TTC39B: variants seen among roughly 807,000 people sequenced by gnomAD.
TTC39B encodes tetratricopeptide repeat protein 39B.
A neutral mutation model predicts 96.6 loss-of-function variants in TTC39B; 92 were observed. The observed-to-expected ratio is 0.95, with a 90% CI of 0.80 to 1.13. The LOEUF is 1.13. TTC39B is among the 50% of genes most tolerant of loss of function. TTC39B has a pLI of 0.00. For missense variants in TTC39B, 955 were observed against 809.3 expected (o/e 1.18, Z -2.18); for synonymous variants, 367 against 299.4 (o/e 1.23, Z -2.33).
At chr9:15,281,414 T>C (rs1279524124) in intron 1 of TTC39B, among the ~76,000 whole-genome samples, 1 of 152,162 alleles carries the variant, frequency 6.6e-6, no homozygotes, top group Non-Finnish European at 1.5e-5. Flanking sequence ...GGAAAAGTTG[T>C]GTGTCCAAAT....
chr9:15,185,472 G>C (rs1390721681), intron 15 of TTC39B, 66 bp from the exon 16 acceptor site: 1 of 1,592,952 alleles, frequency 6.3e-7, no homozygotes, highest in Non-Finnish European at 8.5e-7. Context: ...TTGTACCTGT[G>C]GTTTTCACAG....
At chr9:15,228,731 T>C (rs539849396) in intron 2 of TTC39B, among the ~76,000 whole-genome samples, 9 of 152,338 alleles carry the variant, frequency 5.9e-5, no homozygotes, top group African/African-American at 2.2e-4. Context: ...TGATATTCAA[T>C]TCAGGAATCA....
intron 15 of TTC39B, among the ~76,000 whole-genome samples, chr9:15,185,743 C>A (rs1328450766): frequency 6.6e-6 from 1 of 152,364 alleles, no homozygotes; most frequent in African/African-American, 2.4e-5. Flanking sequence ...AGGTATACAA[C>A]TGGCGATTTC....
chr9:15,209,431 A>T (rs1820061513), intron 6 of TTC39B, among the ~76,000 whole-genome samples: 1 of 152,210 alleles, frequency 6.6e-6, no homozygotes, highest in Non-Finnish European at 1.5e-5. Context: ...TTTTTAAAAG[A>T]TATCAAAATT....
intron 1 of TTC39B, among the ~76,000 whole-genome samples, chr9:15,282,294 T>TAA (rs927508615): frequency 2.0e-5 from 3 of 152,132 alleles, no homozygotes; most frequent in African/African-American, 7.2e-5. Context: ...CTAAACATGT[T>TAA]AAAAGACAAA....
chr9:15,181,337 T>C (rs1474548275), intron 17 of TTC39B, among the ~76,000 whole-genome samples: 1 of 152,214 alleles, frequency 6.6e-6, no homozygotes, highest in Non-Finnish European at 1.5e-5. Flanking sequence ...CTTGGGGTAA[T>C]ACCTAAGTGA....
chr9:15,240,112 G>A (rs887857948), intron 2 of TTC39B, among the ~76,000 whole-genome samples: 1 of 152,156 alleles, frequency 6.6e-6, no homozygotes, highest in Non-Finnish European at 1.5e-5. Context: ...GAAGGAGGAG[G>A]TGCTGCTGCT....
chr9:15,221,430 C>T (rs1398705255), intron 3 of TTC39B, among the ~76,000 whole-genome samples: 1 of 152,166 alleles, frequency 6.6e-6, no homozygotes, highest in African/African-American at 2.4e-5. Context: ...TTGGAAGCTC[C>T]TTTATGTTGC....
chr9:15,166,999 TATATATATATA>T (rs1817533460), exon 20 of TTC39B: 1 of 6,460 alleles, frequency 1.5e-4, no homozygotes, highest in Non-Finnish European at 3.2e-4. Flanking sequence ...TATATATATA[TATATATATATA>T]TATATATATA....
At chr9:15,199,734 CAAA>C (rs35361396) in intron 8 of TTC39B, 124 bp downstream of exon 8, 858 of 70,066 alleles carry the variant, frequency 0.012, no homozygotes, top group South Asian at 0.016. Flanking sequence ...GACTCCGTCT[CAAA>C]AAAAAAAAAA....
At chr9:15,170,579 CT>C (rs1564302088) in exon 20 of TTC39B, 1 of 152,174 alleles carries the variant, frequency 6.6e-6, no homozygotes, top group Non-Finnish European at 1.5e-5. Flanking sequence ...AGTGGGGCAA[CT>C]GAACCCCTGA....
At chr9:15,199,734 C>CAA (rs35361396) in intron 8 of TTC39B, 127 bp downstream of exon 8, 2,081 of 70,570 alleles carry the variant, frequency 0.029, 462 homozygotes, top group African/African-American at 0.069. Context: ...GACTCCGTCT[C>CAA]AAAAAAAAAA....
chr9:15,307,184 G>GCT lies in TTC39B; in HGVS notation c.138_139dup (p.Ala47GlufsTer25). On this transcript the variant is annotated frameshift_variant, in exon 1 of 20. Transcript: ENST00000512701. LOFTEE classifies it high-confidence loss of function. ...AGCAGGGAACTCAGAGCCGACTCCTGCTCTCGGCTCTGGGCTCAGCCCAGC... is the reference window on the plus strand; with the variant it reads ...AGCAGGGAACTCAGAGCCGACTCCTGCTCTCTCGGCTCTGGGCTCAGCCCAGC... 1 of 1,581,642 alleles carries GCT rather than the reference G, an allele frequency of 6.3e-7. No homozygotes were observed. The highest frequency in any genetic ancestry group is 8.6e-7 in the Non-Finnish European group (1 of 1,162,454).
intron 2 of TTC39B, among the ~76,000 whole-genome samples, chr9:15,238,767 C>T (rs988990231): frequency 1.3e-5 from 2 of 152,170 alleles, no homozygotes; most frequent in Non-Finnish European, 2.9e-5. Context: ...GGGCTGATCA[C>T]TTGAGCTCAG....
chr9:15,179,055 T>C (rs558089251), intron 17 of TTC39B, among the ~76,000 whole-genome samples: 4 of 152,332 alleles, frequency 2.6e-5, no homozygotes, highest in African/African-American at 9.6e-5. Flanking sequence ...AAGGATTTTT[T>C]CACCACTTTT....
chr9:15,262,476 A>G lies in TTC39B; in HGVS notation c.275+5438T>C, dbSNP rs1822981383. Among the ~76,000 whole-genome samples, 8 of 152,324 alleles carry G rather than the reference A, an allele frequency of 5.3e-5. No homozygotes were observed. In the South Asian group the frequency reaches 1.2e-3, roughly 24 times the overall value. On this transcript the variant is annotated intron_variant, in intron 2 of 19. Coordinates refer to ENST00000512701, the Ensembl canonical transcript of TTC39B. ...ATCTCTAATTTTTCCTCCAGTTCTAAATGGTGGAGATTTTTGTATGACCTA... is the reference window on the plus strand; with the variant it reads ...ATCTCTAATTTTTCCTCCAGTTCTAGATGGTGGAGATTTTTGTATGACCTA...
At chr9:15,178,742 A>G (rs1307073415) in intron 17 of TTC39B, among the ~76,000 whole-genome samples, 3 of 152,198 alleles carry the variant, frequency 2.0e-5, no homozygotes, top group Non-Finnish European at 2.9e-5. Context: ...AGCTTTATTA[A>G]TTCTATAAAA....
At chr9:15,234,298 G>A (rs1821643069) in intron 2 of TTC39B, among the ~76,000 whole-genome samples, 1 of 145,378 alleles carries the variant, frequency 6.9e-6, no homozygotes, top group East Asian at 2.0e-4. Flanking sequence ...GCCCCATCCG[G>A]GAGGGAAGTC....
At position 15,185,409 on chromosome 9, in the gene TTC39B, G is replaced by T; in HGVS notation, c.1488-3C>A. ...TCTGCTTCAAGCTGTCCACCTGTCT[G>T]TGAAGAACCCCAGCCCAGCCCCAGA... On this transcript the variant is annotated splice_region_variant and splice_polypyrimidine_tract_variant and intron_variant, in intron 15 of 19. Transcript: ENST00000512701. 1 of 1,613,480 alleles carries T rather than the reference G, an allele frequency of 6.2e-7. No individual in the cohort carries two copies. The highest frequency in any genetic ancestry group is 8.5e-7 in the Non-Finnish European group (1 of 1,179,600).
Sources: gnomAD v4.1 joint callset for allele counts (sites outside exome capture counted in the v4.1 genomes callset) on GRCh38, gnomAD v4.1.1 for gene constraint, MANE v1.5 for transcripts, NCBI Gene and HGNC (gene_info 2026-07-23, HGNC 2026-07-21) for gene names.